The following PCDH15 variants were observed in gnomAD, a reference collection of about 807,000 sequenced individuals.
The protein encoded by PCDH15 is protocadherin-15.
PCDH15 carries 129 observed loss-of-function variants against 178.5 expected under a neutral mutation model. The ratio of observed to expected loss-of-function variants is 0.72; its 90% CI spans 0.63 to 0.84. The LOEUF is 0.84. PCDH15 is among the 40% of genes least tolerant of loss of function. The probability of loss-of-function intolerance (pLI) is 0.00; values close to 1 mark genes in which losing one functional copy is unlikely to be tolerated. For synonymous variants in PCDH15, 800 were observed against 732.0 expected (o/e 1.09, Z -1.50); for missense variants, 2,230 against 2,099.9 (o/e 1.06, Z -1.21).
intron 2 of PCDH15, among the ~76,000 whole-genome samples, chr10:55,087,627 GT>G (rs989746587): frequency 6.6e-5 from 10 of 152,154 alleles, no homozygotes. Context: ...CCAGAGAACA[GT>G]TACAGACTGT....
At chr10:54,438,202 C>T (rs2075552585) in intron 3 of PCDH15, among the ~76,000 whole-genome samples, 1 of 150,332 alleles carries the variant, frequency 6.7e-6, no homozygotes, top group African/African-American at 2.5e-5. Context: ...TTGTCTATGG[C>T]TCCATTAGGA....
chr10:53,833,168 A>AT (rs1223286573), intron 29 of PCDH15, among the ~76,000 whole-genome samples: 1 of 152,082 alleles, frequency 6.6e-6, no homozygotes, highest in Non-Finnish European at 1.5e-5. Context: ...ACAAGGAAGA[A>AT]TCAGATCCAG....
At chr10:54,959,445 C>T (rs1431578254) in intron 2 of PCDH15, among the ~76,000 whole-genome samples, 2 of 151,870 alleles carry the variant, frequency 1.3e-5, no homozygotes, top group African/African-American at 2.4e-5. Context: ...ATAGATGTTA[C>T]ATCTATTAAT....
intron 2 of PCDH15, among the ~76,000 whole-genome samples, chr10:55,359,753 C>T (rs1217617140): frequency 3.2e-4 from 39 of 121,174 alleles, no homozygotes; most frequent in Middle Eastern, 4.0e-3. Flanking sequence ...TATATACACA[C>T]ACACACACAC....
At chr10:54,412,742 C>A (rs985006074) in intron 3 of PCDH15, among the ~76,000 whole-genome samples, 7 of 152,044 alleles carry the variant, frequency 4.6e-5, no homozygotes, top group African/African-American at 7.2e-5. Context: ...TCTTTTTTTG[C>A]GACAGAGTCT....
intron 8 of PCDH15, among the ~76,000 whole-genome samples, chr10:54,270,559 T>C (rs902104704): frequency 6.6e-6 from 1 of 152,158 alleles, no homozygotes; most frequent in Non-Finnish European, 1.5e-5. Flanking sequence ...CGTATCCTCA[T>C]TGTTGTTTGT....
intron 2 of PCDH15, among the ~76,000 whole-genome samples, chr10:55,414,550 A>G (rs1336866719): frequency 6.6e-6 from 1 of 151,648 alleles, no homozygotes; most frequent in Non-Finnish European, 1.5e-5. Flanking sequence ...GTATTCTTCA[A>G]TTTAATTCTC....
chr10:54,051,563 T>G (rs765435583), intron 18 of PCDH15, among the ~76,000 whole-genome samples: 1 of 152,144 alleles, frequency 6.6e-6, no homozygotes, highest in Non-Finnish European at 1.5e-5. Context: ...GAGAGATTAT[T>G]TAAGGTATCT....
chr10:55,284,433 G>A (rs1842813872), intron 1 of PCDH15, among the ~76,000 whole-genome samples: 1 of 151,998 alleles, frequency 6.6e-6, no homozygotes, highest in Non-Finnish European at 1.5e-5. Flanking sequence ...AAATAAGTGA[G>A]GGTATGTATC....
chr10:54,689,270 A>C (rs1267119467), intron 1 of PCDH15, among the ~76,000 whole-genome samples: 3 of 152,298 alleles, frequency 2.0e-5, no homozygotes, highest in Non-Finnish European at 4.4e-5. Context: ...GCAATTCTAC[A>C]AATACATATG....
chr10:54,477,271 C>G (rs1227407453), intron 3 of PCDH15, among the ~76,000 whole-genome samples: 1 of 152,100 alleles, frequency 6.6e-6, no homozygotes, highest in Non-Finnish European at 1.5e-5. Context: ...TTTTCCTTTC[C>G]TCACACATAC....
chr10:53,939,535 C>T (rs2085865728), intron 24 of PCDH15, among the ~76,000 whole-genome samples: 1 of 151,904 alleles, frequency 6.6e-6, no homozygotes. Flanking sequence ...AATATCTCCC[C>T]CTCTTATGCT....
chr10:55,405,256 T>C (rs771012645), intron 2 of PCDH15, among the ~76,000 whole-genome samples: 9 of 126,262 alleles, frequency 7.1e-5, no homozygotes, highest in Admixed American at 1.7e-4. Context: ...AATTTATGCA[T>C]ATGTGTATAT....
At chr10:54,291,324 T>C (rs900897960) in intron 8 of PCDH15, among the ~76,000 whole-genome samples, 3 of 152,096 alleles carry the variant, frequency 2.0e-5, no homozygotes, top group Non-Finnish European at 4.4e-5. Context: ...TTTAAAGCAA[T>C]GTGTAGAGGG....
intron 2 of PCDH15, among the ~76,000 whole-genome samples, chr10:55,417,538 G>T (rs1277763506): frequency 6.6e-6 from 1 of 151,338 alleles, no homozygotes; most frequent in East Asian, 1.9e-4. Flanking sequence ...CATAATAAAA[G>T]AAAAAATCTT....
intron 1 of PCDH15, among the ~76,000 whole-genome samples, chr10:55,256,589 G>C (rs1842004204): frequency 6.6e-6 from 1 of 152,190 alleles, no homozygotes; most frequent in Non-Finnish European, 1.5e-5. Context: ...CCCGCACCTG[G>C]CTCGGAGGGT....
At chr10:54,443,715 G>T (rs1283897540) in intron 3 of PCDH15, among the ~76,000 whole-genome samples, 1 of 151,446 alleles carries the variant, frequency 6.6e-6, no homozygotes, top group Non-Finnish European at 1.5e-5. Flanking sequence ...TTTATAGGTG[G>T]GTAGTGACTC....
At chr10:55,230,826 T>C (rs1841195330) in intron 1 of PCDH15, among the ~76,000 whole-genome samples, 1 of 151,944 alleles carries the variant, frequency 6.6e-6, no homozygotes, top group African/African-American at 2.4e-5. Flanking sequence ...AACAGTATAA[T>C]TGGAGAATAA....
chr10:54,875,080 G>A (rs949272838), intron 3 of PCDH15, among the ~76,000 whole-genome samples: 1 of 152,118 alleles, frequency 6.6e-6, no homozygotes. Context: ...AACCCCGTGT[G>A]AGCAACTCTA....
Sources: allele counts gnomAD v4.1 joint callset (sites outside exome capture counted in the v4.1 genomes callset), GRCh38; gene constraint gnomAD v4.1.1; transcripts MANE v1.5; gene names NCBI Gene and HGNC (gene_info 2026-07-23, HGNC 2026-07-21).